Variants in SLC14A2 observed in about 807,000 individuals in gnomAD.
SLC14A2 encodes the protein solute carrier family 14 member 2.
In SLC14A2, 91 loss-of-function variants were observed where a neutral mutation model predicts 104.6. That is an observed-to-expected ratio of 0.87 (90% confidence interval 0.73 to 1.04). The LOEUF (loss-of-function observed/expected upper bound fraction) is 1.04. Ranked by LOEUF, SLC14A2 falls within the 50% of genes least tolerant of loss-of-function variation. The pLI is 0.00. For synonymous variants in SLC14A2, 476 were observed against 466.4 expected (o/e 1.02, Z -0.27); for missense variants, 1,189 against 1,156.0 (o/e 1.03, Z -0.41).
At chr18:45,384,529 C>T (rs1000511508) in intron 1 of SLC14A2, among the ~76,000 whole-genome samples, 8 of 152,160 alleles carry the variant, frequency 5.3e-5, no homozygotes, top group African/African-American at 1.9e-4. Flanking sequence ...TGAGTCACCC[C>T]CAACCTGCCT....
intron 2 of SLC14A2, among the ~76,000 whole-genome samples, chr18:45,607,523 T>C (rs1025819153): frequency 6.6e-6 from 1 of 152,194 alleles, no homozygotes; most frequent in Non-Finnish European, 1.5e-5. Context: ...ATAAAAAGTA[T>C]ACCTTTTTTG....
At chr18:45,339,764 A>C (rs1487980254) in intron 1 of SLC14A2, among the ~76,000 whole-genome samples, 1 of 152,186 alleles carries the variant, frequency 6.6e-6, no homozygotes, top group Non-Finnish European at 1.5e-5. Context: ...ATTGGATTCC[A>C]GGCTGAGCAG....
At chr18:45,600,285 G>A (rs966839886) in intron 2 of SLC14A2, among the ~76,000 whole-genome samples, 3 of 151,818 alleles carry the variant, frequency 2.0e-5, no homozygotes, top group Non-Finnish European at 4.4e-5. Context: ...AAAAATACTT[G>A]CTAGATGAGT....
intron 1 of SLC14A2, among the ~76,000 whole-genome samples, chr18:45,341,087 T>G (rs1287932253): frequency 2.6e-5 from 4 of 151,732 alleles, no homozygotes; most frequent in African/African-American, 7.3e-5. Flanking sequence ...ATCATTTCTT[T>G]GCATGAATAG....
At chr18:45,533,276 C>G (rs1264696579) in intron 2 of SLC14A2, among the ~76,000 whole-genome samples, 1 of 152,156 alleles carries the variant, frequency 6.6e-6, no homozygotes, top group African/African-American at 2.4e-5. Flanking sequence ...AGGAATGGTA[C>G]CAGCTCCTCC....
intron 1 of SLC14A2, among the ~76,000 whole-genome samples, chr18:45,478,860 C>T (rs370009406): frequency 6.6e-6 from 1 of 152,148 alleles, no homozygotes; most frequent in Non-Finnish European, 1.5e-5. Flanking sequence ...AACAGACAAG[C>T]TTAAATAGAA....
intron 2 of SLC14A2, among the ~76,000 whole-genome samples, chr18:45,486,584 A>G (rs2087610691): frequency 6.6e-6 from 1 of 152,238 alleles, no homozygotes; most frequent in African/African-American, 2.4e-5. Context: ...TGTTTAATAA[A>G]TTGGTCACCA....
intron 1 of SLC14A2, among the ~76,000 whole-genome samples, chr18:45,387,754 T>A (rs1402522095): frequency 6.6e-6 from 1 of 152,200 alleles, no homozygotes; most frequent in Non-Finnish European, 1.5e-5. Context: ...TGAGCTATTA[T>A]GACAATCAAC....
intron 2 of SLC14A2, among the ~76,000 whole-genome samples, chr18:45,566,764 C>T (rs1055316829): frequency 6.6e-5 from 10 of 152,152 alleles, no homozygotes; most frequent in African/African-American, 1.4e-4. Flanking sequence ...GACATCTCCA[C>T]GAACAGGTAA....
chr18:45,645,448 G>A (rs1005874765), intron 10 of SLC14A2, among the ~76,000 whole-genome samples: 1 of 151,768 alleles, frequency 6.6e-6, no homozygotes, highest in Admixed American at 6.6e-5. Flanking sequence ...AAAAAGCTTG[G>A]GAAATTTACT....
chr18:45,505,197 T>C (rs2043263172), intron 2 of SLC14A2, among the ~76,000 whole-genome samples: 1 of 152,214 alleles, frequency 6.6e-6, no homozygotes, highest in Middle Eastern at 3.4e-3. Context: ...GCTGTTTGGA[T>C]AGTCCAGTGT....
intron 2 of SLC14A2, among the ~76,000 whole-genome samples, chr18:45,502,361 A>G: frequency 6.6e-6 from 1 of 152,236 alleles, no homozygotes; most frequent in East Asian, 1.9e-4. Context: ...AAGCTCCTCC[A>G]GGGCAGGGTC....
chr18:45,363,899 G>A (rs1293934678), intron 1 of SLC14A2, among the ~76,000 whole-genome samples: 1 of 152,114 alleles, frequency 6.6e-6, no homozygotes, highest in African/African-American at 2.4e-5. Context: ...CTCGGAGGAG[G>A]AATGGGCTGC....
intron 1 of SLC14A2, among the ~76,000 whole-genome samples, chr18:45,238,684 A>T (rs1238628507): frequency 1.3e-5 from 2 of 152,240 alleles, no homozygotes. Context: ...AGGTAGATAG[A>T]TAATAAAAGA....
intron 2 of SLC14A2, among the ~76,000 whole-genome samples, chr18:45,539,711 G>A (rs2043856091): frequency 6.6e-6 from 1 of 152,034 alleles, no homozygotes; most frequent in Non-Finnish European, 1.5e-5. Flanking sequence ...AATGGCTTTG[G>A]GATCTTTTAA....
intron 2 of SLC14A2, among the ~76,000 whole-genome samples, chr18:45,598,865 T>G (rs2044749359): frequency 6.6e-6 from 1 of 152,226 alleles, no homozygotes; most frequent in Non-Finnish European, 1.5e-5. Context: ...ATATTCTAAC[T>G]AAAGCACGCA....
chr18:45,626,817 T>TC, intron 3 of SLC14A2, 141 bp from the exon 4 acceptor site: 1 of 150,464 alleles, frequency 6.6e-6, no homozygotes, highest in Non-Finnish European at 1.3e-5. Context: ...CCCCCACCCC[T>TC]CCACCCCGAC....
At chr18:45,340,547 A>G (rs966049486) in intron 1 of SLC14A2, among the ~76,000 whole-genome samples, 10 of 152,208 alleles carry the variant, frequency 6.6e-5, no homozygotes, top group Non-Finnish European at 1.5e-4. Flanking sequence ...TAGAATGCCT[A>G]ACAGAAAAGT....
At chr18:45,593,486 C>CTTTTTTTTTTT (rs1172271684) in intron 2 of SLC14A2, among the ~76,000 whole-genome samples, 1 of 88,788 alleles carries the variant, frequency 1.1e-5, no homozygotes, top group Non-Finnish European at 2.0e-5. Context: ...TTTCCTTAAT[C>CTTTTTTTTTTT]TTTTTTTTTT....
Sources: allele counts gnomAD v4.1 joint callset (sites outside exome capture counted in the v4.1 genomes callset), GRCh38; gene constraint gnomAD v4.1.1; transcripts MANE v1.5; gene names NCBI Gene and HGNC (gene_info 2026-07-23, HGNC 2026-07-21).